Variants in DNAJC5B observed in about 807,000 individuals in gnomAD.
The protein encoded by DNAJC5B is dnaJ homolog subfamily C member 5B.
A neutral mutation model predicts 24.7 loss-of-function variants in DNAJC5B; 23 were observed. The observed-to-expected ratio is 0.93, with a 90% CI of 0.67 to 1.32. The LOEUF is 1.32. DNAJC5B is among the 40% of genes most tolerant of loss of function. The pLI is 0.00. For missense variants in DNAJC5B, 238 were observed against 240.8 expected (o/e 0.99, Z 0.08); for synonymous variants, 101 against 90.1 (o/e 1.12, Z -0.68).
At chr8:66,086,554 T>C (rs1807728620) in intron 5 of DNAJC5B, among the ~76,000 whole-genome samples, 1 of 152,134 alleles carries the variant, frequency 6.6e-6, no homozygotes, top group African/African-American at 2.4e-5. Context: ...TATATAAAGA[T>C]GTTTAAAAGA....
At chr8:66,034,289 A>T (rs1806431577) in intron 1 of DNAJC5B, among the ~76,000 whole-genome samples, 1 of 151,476 alleles carries the variant, frequency 6.6e-6, no homozygotes, top group African/African-American at 2.4e-5. Flanking sequence ...TCTTACTGGG[A>T]CACACAGAGG....
rs559439023 is a variant in DNAJC5B, at chr8:66,041,043, G to A, written c.-141-2445G>A. On this transcript the variant is annotated intron_variant, in intron 1 of 5. Coordinates refer to ENST00000276570, the MANE Select transcript of DNAJC5B (RefSeq NM_033105.6). ...ACATCTTAGATAGAGTGGTAGTGAC[G>A]GCTTTTTCATTTTATACAATCAAAG... is the stretch of plus-strand genomic sequence containing the variant. Among the ~76,000 whole-genome samples, 14 of 152,136 alleles carry A rather than the reference G, an allele frequency of 9.2e-5. No homozygotes were observed. The East Asian group carries it at 2.5e-3, about 27-fold the overall frequency.
intron 3 of DNAJC5B, among the ~76,000 whole-genome samples, chr8:66,073,333 A>G (rs1563604470): frequency 1.3e-5 from 2 of 152,196 alleles, no homozygotes; most frequent in Non-Finnish European, 2.9e-5. Context: ...ATATACATAG[A>G]ACATAAAGGT....
intron 5 of DNAJC5B, among the ~76,000 whole-genome samples, chr8:66,093,500 T>C (rs1253761437): frequency 6.6e-6 from 1 of 152,206 alleles, no homozygotes; most frequent in African/African-American, 2.4e-5. Context: ...TTGAACATCT[T>C]TTCATATGTT....
intron 5 of DNAJC5B, among the ~76,000 whole-genome samples, chr8:66,088,959 C>G (rs574535021): frequency 1.3e-5 from 2 of 152,202 alleles, no homozygotes; most frequent in South Asian, 4.1e-4. Flanking sequence ...TCCAAAGTCA[C>G]TTCCATATTT....
chr8:66,015,606 A>C, the DNAJC5B span, among the ~76,000 whole-genome samples: 59 of 152,224 alleles, frequency 3.9e-4, no homozygotes, highest in African/African-American at 1.3e-3. Context: ...AAATTAGCTA[A>C]AGGGAATAAT....
upstream of DNAJC5B, among the ~76,000 whole-genome samples, chr8:66,018,128 A>G (rs1563578621): frequency 6.6e-6 from 1 of 152,200 alleles, no homozygotes; most frequent in African/African-American, 2.4e-5. Context: ...GGTGTCCACC[A>G]TCAGGCCTAG....
intron 2 of DNAJC5B, among the ~76,000 whole-genome samples, chr8:66,047,391 C>T (rs1806744498): frequency 6.6e-6 from 1 of 152,248 alleles, no homozygotes. Context: ...TACGATTATG[C>T]AGTTAATCAG....
Position 66,080,473 on chromosome 8 carries a change from T to A in DNAJC5B, c.430T>A (p.Ser144Thr). ...NCCCGHCRPE[S>T]SVPEEDFYVS... is the part of the protein sequence containing the mutation. The stretch of plus-strand genomic sequence containing the variant: ...CTGCTGTGGACACTGCCGGCCCGAG[T>A]CATCAGTGCCAGAAGAGGACTTCTA... The change falls in exon 5 of 6, where the codon TCA (serine) becomes ACA (threonine). Residue 144 changes from serine (S) to threonine (T), a missense_variant. Transcript: ENST00000276570. 1 of 1,613,896 alleles carries A rather than the reference T, an allele frequency of 6.2e-7. No homozygotes were observed. Among genetic ancestry groups the A allele is most frequent in the Non-Finnish European group, 8.5e-7 (1 of 1,179,954 alleles).
At chr8:66,027,862 C>A (rs1009687905) in intron 1 of DNAJC5B, among the ~76,000 whole-genome samples, 1 of 152,170 alleles carries the variant, frequency 6.6e-6, no homozygotes, top group African/African-American at 2.4e-5. Context: ...CAGTTTCAAT[C>A]CCGTTTGTAT....
intron 1 of DNAJC5B, among the ~76,000 whole-genome samples, chr8:66,041,508 C>T (rs1364346810): frequency 2.6e-5 from 4 of 152,182 alleles, no homozygotes; most frequent in Non-Finnish European, 5.9e-5. Flanking sequence ...GAAGACCTCA[C>T]AAATAGAGAA....
intron 3 of DNAJC5B, among the ~76,000 whole-genome samples, chr8:66,060,910 A>G (rs927951748): frequency 2.6e-5 from 4 of 152,358 alleles, no homozygotes; most frequent in Admixed American, 2.6e-4. Flanking sequence ...CCTGTTTTAA[A>G]TAGGGCCAGG....
At chr8:66,092,730 A>AT (rs1213811121) in intron 5 of DNAJC5B, among the ~76,000 whole-genome samples, 1 of 151,998 alleles carries the variant, frequency 6.6e-6, no homozygotes, top group East Asian at 1.9e-4. Flanking sequence ...GGTTTTCCCT[A>AT]TTTTTGAACT....
intron 5 of DNAJC5B, among the ~76,000 whole-genome samples, chr8:66,090,467 CA>C (rs1030534398): frequency 7.9e-5 from 12 of 151,740 alleles, no homozygotes; most frequent in African/African-American, 2.9e-4. Context: ...AACAAACAAA[CA>C]AAAAAACTGT....
intron 5 of DNAJC5B, among the ~76,000 whole-genome samples, chr8:66,097,159 ATCATTATATTTATCACTTTAAG>A (rs1807970712): frequency 6.6e-6 from 1 of 150,678 alleles, no homozygotes; most frequent in East Asian, 1.9e-4. Context: ...TAATTTTTTT[ATCATTATATTTATCACTTTAAG>A]TTGACATGTT....
intron 5 of DNAJC5B, among the ~76,000 whole-genome samples, chr8:66,088,338 T>C (rs922877179): frequency 2.0e-5 from 3 of 152,204 alleles, no homozygotes; most frequent in African/African-American, 4.8e-5. Context: ...AACCATTTTT[T>C]TTTCTCCTAG....
chr8:66,052,906 GTGCTTGTTTGTT>G (rs1416503656), intron 3 of DNAJC5B, among the ~76,000 whole-genome samples: 2 of 151,960 alleles, frequency 1.3e-5, no homozygotes, highest in Admixed American at 6.6e-5. Context: ...TTCCAAGAGA[GTGCTTGTTTGTT>G]TGCTTGTTTG....
In DNAJC5B at chr8:66,100,888, C is replaced by A. The variant is rs1322206720; in HGVS notation, c.*857C>A. Among the ~76,000 whole-genome samples, 3 of 152,070 alleles carry A rather than the reference C, an allele frequency of 2.0e-5. No homozygotes were observed. The East Asian group carries it at 5.8e-4, about 29-fold the overall frequency. ...ACCTCATTTTTGTTAAAATTAGTTG[C>A]CTTGACCAGAAATTGCTCAGCTCTG... On this transcript the variant is annotated 3_prime_UTR_variant, in exon 6 of 6. Coordinates refer to ENST00000276570, the MANE Select transcript of DNAJC5B (RefSeq NM_033105.6).
At chr8:66,051,856 G>A (rs1361700888) in intron 3 of DNAJC5B, among the ~76,000 whole-genome samples, 190 bp downstream of exon 3, 1 of 152,180 alleles carries the variant, frequency 6.6e-6, no homozygotes, top group Non-Finnish European at 1.5e-5. Context: ...AGAACTCACT[G>A]ATGATGCTGG....
Sources: allele counts gnomAD v4.1 joint callset (sites outside exome capture counted in the v4.1 genomes callset), GRCh38; gene constraint gnomAD v4.1.1; transcripts MANE v1.5; gene names NCBI Gene and HGNC (gene_info 2026-07-23, HGNC 2026-07-21).